Variants in TMEM74 observed in about 807,000 individuals in gnomAD.
TMEM74 encodes transmembrane protein 74.
TMEM74 carries 13 observed loss-of-function variants against 18.1 expected under a neutral mutation model. The observed-to-expected ratio is 0.72, with a 90% confidence interval of 0.47 to 1.14. The LOEUF (loss-of-function observed/expected upper bound fraction) is 1.14. Among genes scored for constraint, TMEM74 ranks in the 50% most tolerant of loss-of-function variants. The probability of loss-of-function intolerance (pLI) is 0.00; values close to 1 mark genes in which losing one functional copy is unlikely to be tolerated. For missense variants in TMEM74, 372 were observed against 375.9 expected, an observed-to-expected ratio of 0.99 and a Z score of 0.09; for synonymous variants, 159 against 146.6, an observed-to-expected ratio of 1.08 and a Z score of -0.61.
intron 1 of TMEM74, among the ~76,000 whole-genome samples, chr8:108,718,974 A>ATATATACGTG (rs11281406): frequency 6.7e-6 from 1 of 149,216 alleles, no homozygotes; most frequent in African/African-American, 2.4e-5. Context: ...GTGTGTGTAT[A>ATATATACGTG]TATATATACG....
At chr8:108,672,415 A>G (rs1204044380) in intron 1 of TMEM74, among the ~76,000 whole-genome samples, 1 of 152,242 alleles carries the variant, frequency 6.6e-6, no homozygotes, top group African/African-American at 2.4e-5. Context: ...AGATGAAATC[A>G]GGGAAAGATT....
chr8:108,749,892 A>G (rs1813887630), intron 1 of TMEM74, among the ~76,000 whole-genome samples: 1 of 152,100 alleles, frequency 6.6e-6, no homozygotes, highest in Non-Finnish European at 1.5e-5. Context: ...GCCTTGCAAG[A>G]TGATGTCTTG....
intron 1 of TMEM74, among the ~76,000 whole-genome samples, chr8:108,681,223 A>G (rs1279956942): frequency 6.6e-6 from 1 of 152,202 alleles, no homozygotes; most frequent in Admixed American, 6.5e-5. Context: ...ATCCTAAGCC[A>G]AAAGAACAAA....
chr8:108,744,231 G>A (rs1464042523), intron 1 of TMEM74, among the ~76,000 whole-genome samples: 2 of 151,880 alleles, frequency 1.3e-5, no homozygotes, highest in Non-Finnish European at 2.9e-5. Flanking sequence ...CCAGATAATT[G>A]GACTAATGAC....
chr8:108,623,103 C>T (rs1428245655), intron 2 of TMEM74, among the ~76,000 whole-genome samples: 1 of 152,090 alleles, frequency 6.6e-6, no homozygotes, highest in Non-Finnish European at 1.5e-5. Flanking sequence ...AACTAACCAA[C>T]TCACAATTTT....
rs1274875005 is a variant in TMEM74, at chr8:108,681,393, C to T, written n.120-25956G>A. Among the ~76,000 whole-genome samples, 10 of 152,066 alleles carry T rather than the reference C, an allele frequency of 6.6e-5. No homozygotes were observed. In the East Asian group the frequency reaches 1.3e-3, roughly 20 times the overall value. ...CTACAACCATCTGATCTTTGACAAACCTGACAAAAACAAGCAATGGGGAAA... is the reference window on the plus strand; with the variant it reads ...CTACAACCATCTGATCTTTGACAAATCTGACAAAAACAAGCAATGGGGAAA... On this transcript the variant is annotated intron_variant and non_coding_transcript_variant, in intron 1 of 3. Transcript: ENST00000518838.
intron 1 of TMEM74, among the ~76,000 whole-genome samples, chr8:108,745,731 A>C (rs1196039837): frequency 6.6e-6 from 1 of 152,156 alleles, no homozygotes; most frequent in African/African-American, 2.4e-5. Context: ...CCTCCAAAGA[A>C]AGAAGAAGTA....
Position 108,787,275 on chromosome 8 carries a change from C to T in TMEM74, c.-40+201G>A, listed in dbSNP as rs535893888. On this transcript the variant is annotated intron_variant, in intron 1 of 1. Coordinates refer to ENST00000297459, the MANE Select transcript of TMEM74 (RefSeq NM_153015.3). The stretch of plus-strand genomic sequence containing the variant: ...GAGCCCCAAGCACCTGGCAGCGGTG[C>T]CCCCAGCAGGCGCCGAGGAATCCGG... 7.9e-4 allele frequency among the ~76,000 whole-genome samples: 121 copies of T among 152,270 alleles called. No homozygotes were observed. In the Middle Eastern group the frequency reaches 0.017, roughly 21 times the overall value.
intron 1 of TMEM74, among the ~76,000 whole-genome samples, chr8:108,773,409 T>C (rs921515667): frequency 6.6e-6 from 1 of 152,158 alleles, no homozygotes; most frequent in African/African-American, 2.4e-5. Context: ...GGTACTATAT[T>C]AGCAACACTA....
rs1554630296 is a variant in TMEM74, at chr8:108,657,879, T to TATATTAATTAC, written n.120-2443_120-2442insGTAATTAATAT. On this transcript the variant is annotated intron_variant and non_coding_transcript_variant, in intron 1 of 3. Transcript: ENST00000518838. ...AAAAAAATATATATATATATATATATATATATATATATATATATATATATT... is the reference window on the plus strand; with the variant it reads ...AAAAAAATATATATATATATATATATATATTAATTACATATATATATATATATATATATATT... Among the ~76,000 whole-genome samples the TATATTAATTAC allele has an allele frequency of 2.9e-3, 239 of 82,718 alleles. 16 individuals carry two copies. The highest frequency in any genetic ancestry group is 0.019 in the East Asian group (43 of 2,282). The allele number at this position is 82,718 out of a possible 152,430, so 54.3% of individuals were successfully genotyped here.
chr8:108,714,213 G>A (rs985896228), intron 1 of TMEM74, among the ~76,000 whole-genome samples: 2 of 152,076 alleles, frequency 1.3e-5, no homozygotes, highest in African/African-American at 4.8e-5. Context: ...TACTAAAATT[G>A]ACATAAGACT....
intron 2 of TMEM74, among the ~76,000 whole-genome samples, chr8:108,655,043 G>A (rs975760977): frequency 3.9e-5 from 6 of 151,956 alleles, no homozygotes; most frequent in African/African-American, 1.2e-4. Flanking sequence ...AAAGAACATC[G>A]ATTTTCCTTT....
At chr8:108,705,652 T>C (rs1813389634) in intron 1 of TMEM74, among the ~76,000 whole-genome samples, 1 of 152,044 alleles carries the variant, frequency 6.6e-6, no homozygotes, top group Non-Finnish European at 1.5e-5. Flanking sequence ...TGGCCAGAAA[T>C]CTTAACAGTA....
At chr8:108,777,367 TAGAA>T (rs1186406013), downstream of TMEM74, among the ~76,000 whole-genome samples, 5 of 152,222 alleles carry the variant, frequency 3.3e-5, no homozygotes, top group Admixed American at 6.5e-5. Context: ...GTTGTGCACA[TAGAA>T]AGAGTAACTA....
At chr8:108,607,974 T>A (rs1361293316) in intron 3 of TMEM74, among the ~76,000 whole-genome samples, 1 of 152,066 alleles carries the variant, frequency 6.6e-6, no homozygotes, top group Non-Finnish European at 1.5e-5. Context: ...TTTTTGTGTA[T>A]TAGGATTTGA....
chr8:108,759,489 C>G (rs2130660343), intron 1 of TMEM74, among the ~76,000 whole-genome samples: 1 of 152,056 alleles, frequency 6.6e-6, no homozygotes, highest in Middle Eastern at 3.4e-3. Context: ...TTTGAAACAA[C>G]TTAAAAGGGA....
intron 2 of TMEM74, among the ~76,000 whole-genome samples, chr8:108,627,363 T>C (rs1324992109): frequency 1.3e-5 from 2 of 151,946 alleles, no homozygotes; most frequent in African/African-American, 4.8e-5. Flanking sequence ...CATAGAAACA[T>C]GGGATTTAGA....
intron 1 of TMEM74, among the ~76,000 whole-genome samples, chr8:108,675,829 A>C (rs761709216): frequency 2.6e-5 from 4 of 152,246 alleles, no homozygotes; most frequent in Non-Finnish European, 4.4e-5. Flanking sequence ...TTACTAAAAC[A>C]TACTCATTCC....
At chr8:108,763,670 G>T (rs2130664458) in intron 1 of TMEM74, among the ~76,000 whole-genome samples, 1 of 152,192 alleles carries the variant, frequency 6.6e-6, no homozygotes, top group East Asian at 1.9e-4. Context: ...AAGCAGATGT[G>T]CAAGGCACCT....
Sources: gnomAD v4.1 joint callset for allele counts (sites outside exome capture counted in the v4.1 genomes callset) on GRCh38, gnomAD v4.1.1 for gene constraint, MANE v1.5 for transcripts, NCBI Gene and HGNC (gene_info 2026-07-23, HGNC 2026-07-21) for gene names.